LRRTM4: variants seen among roughly 807,000 people sequenced by gnomAD.
LRRTM4 encodes the protein leucine rich repeat transmembrane neuronal 4, also known as leucine-rich repeat transmembrane neuronal protein 4.
A neutral mutation model predicts 47.6 loss-of-function variants in LRRTM4; 25 were observed. That is an observed-to-expected ratio of 0.53 (90% confidence interval 0.38 to 0.73). The LOEUF (loss-of-function observed/expected upper bound fraction) is 0.73, where lower values mean the gene tolerates loss of function less well. LRRTM4 is among the 30% of genes least tolerant of loss of function. The pLI, the probability that LRRTM4 is intolerant of heterozygous loss-of-function variation, is 0.00. For synonymous variants in LRRTM4, 311 were observed against 269.5 expected (o/e 1.15, Z -1.51); for missense variants, 638 against 713.4 (o/e 0.89, Z 1.20).
intron 3 of LRRTM4, among the ~76,000 whole-genome samples, chr2:76,917,685 TA>T (rs1376489606): frequency 1.3e-5 from 2 of 152,124 alleles, no homozygotes; most frequent in Non-Finnish European, 2.9e-5. Context: ...GGAAGTACAG[TA>T]AAAAGTAGAG....
At chr2:77,297,396 C>T (rs150826120) in intron 3 of LRRTM4, among the ~76,000 whole-genome samples, 2 of 152,212 alleles carry the variant, frequency 1.3e-5, no homozygotes, top group East Asian at 3.9e-4. Context: ...ATTTTATAGT[C>T]ACTATGCTCT....
chr2:77,007,302 G>T (rs1042259938), intron 3 of LRRTM4, among the ~76,000 whole-genome samples: 1 of 152,130 alleles, frequency 6.6e-6, no homozygotes, highest in Admixed American at 6.6e-5. Flanking sequence ...AATCATCAAG[G>T]CTTCCTTTTA....
intron 3 of LRRTM4, among the ~76,000 whole-genome samples, chr2:77,244,867 G>T (rs1675387752): frequency 6.6e-6 from 1 of 152,102 alleles, no homozygotes; most frequent in African/African-American, 2.4e-5. Context: ...CAAAGTTCAT[G>T]AGAAAACAAA....
At chr2:76,817,460 G>A (rs1269605787) in intron 3 of LRRTM4, among the ~76,000 whole-genome samples, 3 of 151,942 alleles carry the variant, frequency 2.0e-5, no homozygotes, top group Non-Finnish European at 4.4e-5. Context: ...CGAGTTATGA[G>A]GCTGGAAAAT....
At chr2:76,926,919 C>T (rs1228075117) in intron 3 of LRRTM4, among the ~76,000 whole-genome samples, 2 of 152,078 alleles carry the variant, frequency 1.3e-5, no homozygotes, top group Non-Finnish European at 1.5e-5. Flanking sequence ...CATGAAAACA[C>T]GAAACATCCT....
At chr2:77,271,877 T>G (rs1415338634) in intron 3 of LRRTM4, among the ~76,000 whole-genome samples, 2 of 152,186 alleles carry the variant, frequency 1.3e-5, no homozygotes, top group Non-Finnish European at 2.9e-5. Flanking sequence ...CCATGTGTCA[T>G]GCGTACTCAC....
At chr2:76,840,843 C>G (rs2103931268) in intron 3 of LRRTM4, among the ~76,000 whole-genome samples, 1 of 152,124 alleles carries the variant, frequency 6.6e-6, no homozygotes, top group South Asian at 2.1e-4. Context: ...TAAACTAGTT[C>G]AACCATTGTG....
At chr2:77,199,710 T>C (rs575936715) in intron 3 of LRRTM4, among the ~76,000 whole-genome samples, 16 of 152,148 alleles carry the variant, frequency 1.1e-4, no homozygotes, top group Non-Finnish European at 1.8e-4. Context: ...GAACATTCTA[T>C]GCTGTCATGT....
At chr2:77,385,908 T>C (rs1673248738) in intron 3 of LRRTM4, among the ~76,000 whole-genome samples, 1 of 151,446 alleles carries the variant, frequency 6.6e-6, no homozygotes, top group Non-Finnish European at 1.5e-5. Flanking sequence ...CCACCACTCC[T>C]GGCTATTTTT....
chr2:77,302,328 G>A (rs1283611547), intron 3 of LRRTM4, among the ~76,000 whole-genome samples: 1 of 152,056 alleles, frequency 6.6e-6, no homozygotes, highest in African/African-American at 2.4e-5. Flanking sequence ...ATAGTAAATA[G>A]ATCTACTTTT....
At chr2:76,966,835 G>C (rs1676041199) in intron 3 of LRRTM4, among the ~76,000 whole-genome samples, 2 of 151,238 alleles carry the variant, frequency 1.3e-5, no homozygotes, top group Admixed American at 1.3e-4. Context: ...AACATTCTCT[G>C]TGGATTTTGC....
chr2:76,855,521 G>A (rs891406893), intron 3 of LRRTM4, among the ~76,000 whole-genome samples: 4 of 152,118 alleles, frequency 2.6e-5, no homozygotes, highest in South Asian at 2.1e-4. Context: ...GATTAGTGCC[G>A]AAGTAAATAG....
chr2:77,415,733 G>A (rs1206960991), intron 3 of LRRTM4, among the ~76,000 whole-genome samples: 3 of 151,734 alleles, frequency 2.0e-5, no homozygotes, highest in African/African-American at 7.3e-5. Context: ...CCTTTCTCTT[G>A]TCTCTATATT....
chr2:76,831,806 CT>C (rs201700949), intron 3 of LRRTM4, among the ~76,000 whole-genome samples: 1 of 151,994 alleles, frequency 6.6e-6, no homozygotes, highest in East Asian at 1.9e-4. Context: ...GAGAATTTAG[CT>C]TTTTTTAAAA....
At chr2:76,824,825 A>G (rs1409960021) in intron 3 of LRRTM4, among the ~76,000 whole-genome samples, 1 of 151,604 alleles carries the variant, frequency 6.6e-6, no homozygotes, top group Non-Finnish European at 1.5e-5. Context: ...TCAAGAATGA[A>G]TAGAGTTTGA....
intron 3 of LRRTM4, among the ~76,000 whole-genome samples, chr2:77,301,210 G>C (rs1267275725): frequency 1.3e-5 from 2 of 151,914 alleles, no homozygotes; most frequent in Admixed American, 1.3e-4. Flanking sequence ...TATTTAAACA[G>C]TTTTATAAAA....
chr2:77,492,692 A>G (rs1213372209), intron 3 of LRRTM4, among the ~76,000 whole-genome samples: 1 of 152,186 alleles, frequency 6.6e-6, no homozygotes, highest in East Asian at 1.9e-4. Flanking sequence ...TCAAGATGTA[A>G]AGATCCATTA....
At chr2:77,401,071 C>G (rs904823316) in intron 3 of LRRTM4, among the ~76,000 whole-genome samples, 5 of 151,910 alleles carry the variant, frequency 3.3e-5, no homozygotes, top group African/African-American at 1.2e-4. Flanking sequence ...TTCACAAAGT[C>G]TAAATATTTA....
At position 77,254,366 on chromosome 2, in the gene LRRTM4, C is replaced by T. The variant is rs1191401655; in HGVS notation, c.1551+263952G>A. On this transcript the variant is annotated intron_variant, in intron 3 of 3. Transcript: ENST00000409884. ...TCTTGATGGAGGAAAATAAAACAAA[C>T]AAAAAAGTAAAACAAAACAAAACAA... Among the ~76,000 whole-genome samples, 3 of 151,428 alleles carry T rather than the reference C, an allele frequency of 2.0e-5. No individual in the cohort carries two copies. The East Asian group carries it at 5.8e-4, about 29-fold the overall frequency.
Sources: gnomAD v4.1 joint callset for allele counts (sites outside exome capture counted in the v4.1 genomes callset) on GRCh38, gnomAD v4.1.1 for gene constraint, MANE v1.5 for transcripts, NCBI Gene and HGNC (gene_info 2026-07-23, HGNC 2026-07-21) for gene names.